GLIS3: variants seen among roughly 807,000 people sequenced by gnomAD.
GLIS3 encodes GLIS family zinc finger 3.
Under a neutral mutation model 78.6 loss-of-function variants are expected in GLIS3, and 53 were observed. That is an observed-to-expected ratio of 0.67 (90% CI 0.54 to 0.85). GLIS3 has a LOEUF of 0.85. Among genes scored for constraint, GLIS3 ranks in the 40% least tolerant of loss-of-function variants. The pLI, the probability that GLIS3 is intolerant of heterozygous loss-of-function variation, is 0.00. For missense variants in GLIS3, 1,703 were observed against 1,231.1 expected (o/e 1.38, Z -5.74); for synonymous variants, 684 against 509.9 (o/e 1.34, Z -4.60).
chr9:4,221,822 A>T (rs1393862107), intron 2 of GLIS3, among the ~76,000 whole-genome samples: 2 of 152,210 alleles, frequency 1.3e-5, no homozygotes, highest in Non-Finnish European at 1.5e-5. Flanking sequence ...GAACCTAAAA[A>T]TCTTGCCTTT....
intron 2 of GLIS3, among the ~76,000 whole-genome samples, chr9:4,237,528 A>C (rs1482803253): frequency 6.6e-6 from 1 of 152,246 alleles, no homozygotes; most frequent in Non-Finnish European, 1.5e-5. Context: ...CTGAAAATCT[A>C]CAAATGGCAT....
the GLIS3 span, among the ~76,000 whole-genome samples, chr9:4,397,106 A>G: frequency 7.2e-6 from 1 of 139,688 alleles, no homozygotes; most frequent in Admixed American, 7.1e-5. Context: ...GCTCACTGCA[A>G]GCTCCACCTC....
chr9:4,171,546 A>T (rs1816375566), intron 2 of GLIS3, among the ~76,000 whole-genome samples: 1 of 152,228 alleles, frequency 6.6e-6, no homozygotes, highest in Non-Finnish European at 1.5e-5. Context: ...GAATAAGGAA[A>T]GATTCTTGCT....
intron 2 of GLIS3, among the ~76,000 whole-genome samples, chr9:4,329,361 C>T (rs752247794): frequency 1.8e-4 from 28 of 152,128 alleles, no homozygotes; most frequent in Non-Finnish European, 2.9e-4. Flanking sequence ...TTCATTTTGA[C>T]GTCAGAGTAA....
At chr9:4,139,207 C>A (rs1833624057) in intron 2 of GLIS3, among the ~76,000 whole-genome samples, 1 of 152,144 alleles carries the variant, frequency 6.6e-6, no homozygotes, top group South Asian at 2.1e-4. Flanking sequence ...TCCCCTGCCC[C>A]AAGCCAAACA....
In GLIS3 at chr9:4,118,504, G is replaced by T. The variant is rs770212930; in HGVS notation, c.974C>A (p.Thr325Lys). 1 of 1,614,234 alleles carries T rather than the reference G, an allele frequency of 6.2e-7. No individual in the cohort carries two copies. The highest frequency in any genetic ancestry group is 1.7e-5 in the Admixed American group (1 of 60,038). ...CCCGTTGATGTAGGCCACCAAGGAC[G>T]TGGGCGACGTGCGGATGATGGTATT... Reference protein sequence around the residue: ...DFNTIIRTSPTSLVAYINGSR... With the variant: ...DFNTIIRTSPKSLVAYINGSR... Residue 325 changes from threonine to lysine, a missense_variant, in exon 4 of 11, where the codon ACG becomes AAG. By Grantham distance (78) the Thr-to-Lys change is moderately conservative. Transcript: ENST00000381971. The surrounding 1 kb of genome is among the most constrained non-coding windows in gnomAD (Gnocchi z 4.7).
chr9:3,911,096 CCTTT>C (rs767171585), intron 6 of GLIS3, among the ~76,000 whole-genome samples: 68 of 151,712 alleles, frequency 4.5e-4, no homozygotes, highest in Middle Eastern at 3.4e-3. Context: ...CATCTTCCTT[CCTTT>C]CTTCCTTCCT....
At chr9:4,165,110 T>C (rs1323701274) in intron 2 of GLIS3, among the ~76,000 whole-genome samples, 1 of 152,088 alleles carries the variant, frequency 6.6e-6, no homozygotes, top group Non-Finnish European at 1.5e-5. Context: ...GAACAGAGGC[T>C]GGAGGGGCCC....
At chr9:4,356,518 G>C in the GLIS3 span, among the ~76,000 whole-genome samples, 1 of 152,082 alleles carries the variant, frequency 6.6e-6, no homozygotes, top group Non-Finnish European at 1.5e-5. Context: ...ACAGATATTA[G>C]ATGGGAGGAA....
chr9:4,297,753 G>A (rs376010640), intron 1 of GLIS3, among the ~76,000 whole-genome samples: 2 of 152,318 alleles, frequency 1.3e-5, no homozygotes, highest in South Asian at 2.1e-4. Context: ...GGGGCTCAAG[G>A]AGGCACACAG....
At chr9:4,166,364 G>C (rs1564141465) in intron 2 of GLIS3, among the ~76,000 whole-genome samples, 1 of 152,206 alleles carries the variant, frequency 6.6e-6, no homozygotes, top group East Asian at 1.9e-4. Flanking sequence ...CACTGGCCAA[G>C]AACCAGTAAG....
intron 8 of GLIS3, among the ~76,000 whole-genome samples, chr9:3,864,834 G>T (rs1268767114): frequency 6.6e-6 from 1 of 152,186 alleles, no homozygotes; most frequent in Non-Finnish European, 1.5e-5. Flanking sequence ...AAAACCCTCA[G>T]ATACTTGCTA....
At chr9:4,056,311 C>A (rs1826152770) in intron 4 of GLIS3, among the ~76,000 whole-genome samples, 1 of 152,186 alleles carries the variant, frequency 6.6e-6, no homozygotes, top group African/African-American at 2.4e-5. Flanking sequence ...TCTTATTTCA[C>A]TGTCATAATG....
intron 8 of GLIS3, among the ~76,000 whole-genome samples, chr9:3,877,428 A>C (rs1317075618): frequency 1.3e-5 from 2 of 152,248 alleles, no homozygotes; most frequent in Admixed American, 1.3e-4. Flanking sequence ...GTTTTTAAAA[A>C]GTCCAGCATC....
rs544674870 is a variant in GLIS3 at position 3,887,246 on chromosome 9, G to A, written c.2129-7651C>T. 3.3e-5 allele frequency among the ~76,000 whole-genome samples: 5 copies of A among 152,146 alleles called. No homozygotes were observed. In the East Asian group the frequency reaches 5.8e-4, roughly 18 times the overall value. ...CTGTCAGACTAAAATGACACCACCCGTACATCCTTGACATGCTACCACAAG... is the reference window on the plus strand; with the variant it reads ...CTGTCAGACTAAAATGACACCACCCATACATCCTTGACATGCTACCACAAG... On this transcript the variant is annotated intron_variant, in intron 7 of 10. Transcript: ENST00000381971.
At chr9:4,211,357 A>G (rs1019843085) in intron 2 of GLIS3, among the ~76,000 whole-genome samples, 1 of 152,244 alleles carries the variant, frequency 6.6e-6, no homozygotes, top group South Asian at 2.1e-4. Context: ...CTAAGACAGC[A>G]TCACTGAAAA....
At chr9:4,359,619 A>G in the GLIS3 span, among the ~76,000 whole-genome samples, 1 of 152,212 alleles carries the variant, frequency 6.6e-6, no homozygotes, top group East Asian at 1.9e-4. Flanking sequence ...GGGAGTATAC[A>G]GTACCCGTGA....
chr9:4,454,685 G>T, the GLIS3 span, among the ~76,000 whole-genome samples: 1,060 of 152,196 alleles, frequency 7.0e-3, 6 homozygotes, highest in Middle Eastern at 0.017. Flanking sequence ...CTCCTCTATT[G>T]CAGGGAATAT....
rs535315188 is a variant in GLIS3 at position 4,243,418 on chromosome 9, G to T, written c.388+42620C>A. Among the ~76,000 whole-genome samples the T allele has an allele frequency of 3.3e-5, 5 of 150,700 alleles. No individual in the cohort carries two copies. In the East Asian group the frequency reaches 7.8e-4, roughly 23 times the overall value. On this transcript the variant is annotated intron_variant, in intron 2 of 10. Transcript: ENST00000381971. ...TACACGCACACACACACACACATAC[G>T]CATAGAGTACTAACACAGGTATACA...
Sources: gnomAD v4.1 joint callset for allele counts (sites outside exome capture counted in the v4.1 genomes callset) on GRCh38, gnomAD v4.1.1 for gene constraint, Gnocchi (gnomAD v3.1) non-coding constraint, MANE v1.5 for transcripts, NCBI Gene and HGNC (gene_info 2026-07-23, HGNC 2026-07-21) for gene names.